The following FNBP1 variants were observed in gnomAD, a reference collection of about 807,000 sequenced individuals.
The protein encoded by FNBP1 is formin binding protein 1, also known as formin-binding protein 1.
In FNBP1, 26 loss-of-function variants were observed where a neutral mutation model predicts 90.6. That is an observed-to-expected ratio of 0.29 (90% CI 0.21 to 0.40). FNBP1 has a LOEUF of 0.40. Ranked by LOEUF, FNBP1 falls within the 10% of genes least tolerant of loss-of-function variation. The pLI is 1.00. For synonymous variants in FNBP1, 260 were observed against 265.2 expected (o/e 0.98, Z 0.19); for missense variants, 635 against 768.0 (o/e 0.83, Z 2.05).
chr9:129,902,055 T>C (rs1332754302), intron 13 of FNBP1, among the ~76,000 whole-genome samples: 3 of 152,284 alleles, frequency 2.0e-5, no homozygotes, highest in Admixed American at 1.3e-4. Flanking sequence ...GAGGCTTTTG[T>C]TGACAGCTTT....
intron 4 of FNBP1, among the ~76,000 whole-genome samples, chr9:129,968,395 CAAA>C (rs775896038): frequency 1.0e-4 from 7 of 69,124 alleles, no homozygotes; most frequent in Admixed American, 1.5e-4. Context: ...AACTCCGTCT[CAAA>C]AAAAAAAAAA....
chr9:129,958,779 A>C (rs2047327974), intron 4 of FNBP1, among the ~76,000 whole-genome samples: 1 of 151,640 alleles, frequency 6.6e-6, no homozygotes, highest in African/African-American at 2.4e-5. Context: ...CAAGGAGTTC[A>C]AGACAGCCTG....
At chr9:129,894,519 CA>C (rs1472132966) in intron 16 of FNBP1, among the ~76,000 whole-genome samples, 1 of 152,086 alleles carries the variant, frequency 6.6e-6, no homozygotes, top group African/African-American at 2.4e-5. Flanking sequence ...AACAAAAAAA[CA>C]AAAGCAAACC....
At chr9:129,968,785 T>C (rs1020677143) in intron 4 of FNBP1, among the ~76,000 whole-genome samples, 50 of 152,278 alleles carry the variant, frequency 3.3e-4, no homozygotes, top group Admixed American at 2.0e-4. Context: ...ACTGAAAGTA[T>C]TGTATAATTG....
intron 2 of FNBP1, among the ~76,000 whole-genome samples, chr9:129,994,157 A>G (rs1564525722): frequency 6.6e-6 from 1 of 152,204 alleles, no homozygotes; most frequent in African/African-American, 2.4e-5. Flanking sequence ...TATAGCTTAA[A>G]TTAGAAACAA....
At chr9:130,014,994 G>A (rs1255568049) in intron 1 of FNBP1, among the ~76,000 whole-genome samples, 1 of 150,396 alleles carries the variant, frequency 6.6e-6, no homozygotes, top group African/African-American at 2.4e-5. Context: ...AAAAATCCCG[G>A]ACGATTACTG....
rs3055737 is a variant in FNBP1 at position 130,040,626 on chromosome 9, G to GAAA, written c.24+2323_24+2325dup. On this transcript the variant is annotated intron_variant, in intron 1 of 16. Coordinates refer to ENST00000446176, the MANE Select transcript of FNBP1 (RefSeq NM_015033.3). The stretch of plus-strand genomic sequence containing the variant: ...GGCAACAGAGCAAGACTCCGTCTCA[G>GAAA]AAAAAAAAAAAAAAAGAATGTCTTT... Among the ~76,000 whole-genome samples, 996 of 139,120 alleles carry GAAA rather than the reference G, an allele frequency of 7.2e-3. 13 individuals carry two copies. The highest frequency in any genetic ancestry group is 0.011 in the Non-Finnish European group (715 of 65,500). The allele number at this position is 139,120 out of a possible 152,430, so 91.3% of individuals were successfully genotyped here.
At chr9:129,995,095 T>C in intron 1 of FNBP1, 137 bp from the exon 2 acceptor site, 1 of 602,144 alleles carries the variant, frequency 1.7e-6, no homozygotes, top group Non-Finnish European at 2.9e-6. Flanking sequence ...GGGGTGCTTT[T>C]TTGTTGAGCC....
chr9:129,969,668 G>A (rs1267669498), intron 4 of FNBP1, among the ~76,000 whole-genome samples: 2 of 151,830 alleles, frequency 1.3e-5, no homozygotes, highest in Non-Finnish European at 2.9e-5. Flanking sequence ...CCAGCACTTT[G>A]AAAGGCCGAC....
chr9:129,905,876 TTTC>T (rs1172756149), intron 12 of FNBP1, among the ~76,000 whole-genome samples: 1 of 100,602 alleles, frequency 9.9e-6, no homozygotes, highest in Non-Finnish European at 2.0e-5. Flanking sequence ...TAGAGGCATA[TTTC>T]TTTTTTTTTT....
intron 11 of FNBP1, among the ~76,000 whole-genome samples, chr9:129,914,625 T>G (rs2039924432): frequency 6.6e-6 from 1 of 151,758 alleles, no homozygotes; most frequent in Non-Finnish European, 1.5e-5. Context: ...AATCAAAGAC[T>G]CTTCTCAGGA....
At chr9:129,989,765 C>T (rs2052831533) in intron 2 of FNBP1, among the ~76,000 whole-genome samples, 1 of 152,136 alleles carries the variant, frequency 6.6e-6, no homozygotes, top group Admixed American at 6.6e-5. Context: ...ATTGCCAGGC[C>T]GGGTGCTCAC....
intron 6 of FNBP1, among the ~76,000 whole-genome samples, chr9:129,942,188 T>C (rs2044426876): frequency 6.6e-6 from 1 of 152,058 alleles, no homozygotes; most frequent in African/African-American, 2.4e-5. Flanking sequence ...AATAAAGACA[T>C]TTCAAACAAA....
At chr9:130,008,681 T>C (rs763471761) in intron 1 of FNBP1, among the ~76,000 whole-genome samples, 15 of 152,216 alleles carry the variant, frequency 9.9e-5, no homozygotes, top group Non-Finnish European at 1.3e-4. Context: ...CTGATTTCTA[T>C]GCAGAGATTG....
intron 1 of FNBP1, among the ~76,000 whole-genome samples, chr9:130,007,251 A>AAG (rs1448161530): frequency 2.3e-4 from 35 of 148,988 alleles, no homozygotes; most frequent in Non-Finnish European, 4.6e-4. Context: ...AAAAAAAAAA[A>AAG]AAAAAAGAAA....
At chr9:129,967,244 G>A (rs772777768) in intron 4 of FNBP1, among the ~76,000 whole-genome samples, 17 of 152,022 alleles carry the variant, frequency 1.1e-4, no homozygotes, top group East Asian at 1.9e-4. Context: ...GGCCGGGAGC[G>A]GTGGCTCACG....
intron 1 of FNBP1, among the ~76,000 whole-genome samples, chr9:130,019,824 C>T (rs930610754): frequency 6.6e-6 from 1 of 152,094 alleles, no homozygotes; most frequent in Non-Finnish European, 1.5e-5. Flanking sequence ...TCCCAAAGTG[C>T]TGGGATTACA....
At chr9:129,951,916 G>A (rs183096711) in intron 6 of FNBP1, among the ~76,000 whole-genome samples, 1 of 152,068 alleles carries the variant, frequency 6.6e-6, no homozygotes, top group Admixed American at 6.6e-5. Flanking sequence ...CTAAGGCTGG[G>A]TGTGGTGGCT....
At chr9:129,998,955 C>T (rs1451056104) in intron 1 of FNBP1, among the ~76,000 whole-genome samples, 1 of 152,144 alleles carries the variant, frequency 6.6e-6, no homozygotes, top group African/African-American at 2.4e-5. Context: ...TGAGCTGGTG[C>T]TTGTTTGTGA....
Sources: gnomAD v4.1 joint callset for allele counts (sites outside exome capture counted in the v4.1 genomes callset) on GRCh38, gnomAD v4.1.1 for gene constraint, MANE v1.5 for transcripts, NCBI Gene and HGNC (gene_info 2026-07-23, HGNC 2026-07-21) for gene names.